Variants in ROBO2 observed in about 807,000 individuals in gnomAD.
ROBO2 encodes roundabout homolog 2.
ROBO2 carries 53 observed loss-of-function variants against 160.8 expected under a neutral mutation model. The observed-to-expected ratio is 0.33, with a 90% CI of 0.26 to 0.41. The LOEUF (loss-of-function observed/expected upper bound fraction) is 0.41, where lower values mean the gene tolerates loss of function less well. ROBO2 is among the 10% of genes least tolerant of loss of function. ROBO2 has a pLI of 1.00. For missense variants in ROBO2, 1,577 were observed against 1,722.4 expected (o/e 0.92, Z 1.49); for synonymous variants, 664 against 611.7 (o/e 1.09, Z -1.26).
At chr3:77,502,057 T>C (rs1158785499) in intron 5 of ROBO2, among the ~76,000 whole-genome samples, 1 of 152,210 alleles carries the variant, frequency 6.6e-6, no homozygotes, top group African/African-American at 2.4e-5. Context: ...GAAAATGCTA[T>C]GATGTAAACA....
chr3:76,331,314 C>T (rs550504099), intron 2 of ROBO2, among the ~76,000 whole-genome samples: 2 of 152,054 alleles, frequency 1.3e-5, no homozygotes, highest in Non-Finnish European at 2.9e-5. Flanking sequence ...TCATAAATAT[C>T]ACATGAGGCA....
chr3:77,479,710 G>A (rs1056293272), intron 3 of ROBO2, among the ~76,000 whole-genome samples: 56 of 152,068 alleles, frequency 3.7e-4, no homozygotes, highest in African/African-American at 1.3e-3. Flanking sequence ...TTATGGATTG[G>A]TAGTTTATGT....
At chr3:77,645,974 G>T (rs2095409415) in intron 25 of ROBO2, 80 bp from the exon 28 acceptor site, 1 of 964,186 alleles carries the variant, frequency 1.0e-6, no homozygotes, top group Non-Finnish European at 1.6e-6. Context: ...ATTATCTGTT[G>T]GCTTTGCTTT....
chr3:76,395,295 C>A (rs1275607809), intron 2 of ROBO2, among the ~76,000 whole-genome samples: 2 of 150,006 alleles, frequency 1.3e-5, no homozygotes, highest in African/African-American at 2.5e-5. Context: ...AAAGACACAA[C>A]ATACCAGAAT....
rs528304600 is a variant in ROBO2, at chr3:77,281,061, A to G, written c.388+182721A>G. 2.6e-5 allele frequency among the ~76,000 whole-genome samples: 4 copies of G among 152,322 alleles called. No individual in the cohort carries two copies. The East Asian group carries it at 7.7e-4, about 29-fold the overall frequency. On this transcript the variant is annotated intron_variant, in intron 2 of 25. Coordinates refer to ENST00000461745, the Ensembl canonical transcript of ROBO2. ...TGTCTCTGAGGACATCAAGTGGAAT[A>G]TAAAACTAGCTGTATTATCAGATAT...
chr3:76,374,299 C>T (rs756297535), intron 2 of ROBO2, among the ~76,000 whole-genome samples: 1 of 151,972 alleles, frequency 6.6e-6, no homozygotes, highest in Admixed American at 6.6e-5. Context: ...ACATTAGCAA[C>T]ATCGTTAATA....
chr3:77,109,689 C>G (rs1167898703), intron 2 of ROBO2, among the ~76,000 whole-genome samples: 9 of 152,204 alleles, frequency 5.9e-5, no homozygotes, highest in African/African-American at 2.2e-4. Context: ...GTTCTCAAAA[C>G]AAATCTAAAA....
intron 2 of ROBO2, among the ~76,000 whole-genome samples, chr3:76,285,275 T>A (rs1708452663): frequency 6.6e-6 from 1 of 152,162 alleles, no homozygotes; most frequent in Admixed American, 6.6e-5. Flanking sequence ...TTATTCAGTT[T>A]CTTCATAAAA....
chr3:77,200,128 A>G (rs2082693770), intron 2 of ROBO2, among the ~76,000 whole-genome samples: 1 of 150,624 alleles, frequency 6.6e-6, no homozygotes, highest in Non-Finnish European at 1.5e-5. Context: ...AAAGCTATCT[A>G]CTATTTGAAA....
chr3:76,294,223 G>A (rs905582003), intron 2 of ROBO2, among the ~76,000 whole-genome samples: 1 of 152,150 alleles, frequency 6.6e-6, no homozygotes, highest in East Asian at 1.9e-4. Flanking sequence ...GCCTCCCAGA[G>A]TGCAGAGATG....
chr3:75,937,964 G>A (rs1173073825), intron 2 of ROBO2, among the ~76,000 whole-genome samples: 2 of 149,910 alleles, frequency 1.3e-5, no homozygotes, highest in African/African-American at 2.5e-5. Flanking sequence ...ATAAGAACAC[G>A]TAGCATATAA....
At chr3:76,800,179 TGAACCAA>T (rs1303305003) in intron 2 of ROBO2, among the ~76,000 whole-genome samples, 1 of 152,174 alleles carries the variant, frequency 6.6e-6, no homozygotes, top group Non-Finnish European at 1.5e-5. Context: ...TGCAGAAGAA[TGAACCAA>T]GATGTCCATC....
chr3:77,412,969 C>G (rs1048824605), intron 2 of ROBO2, among the ~76,000 whole-genome samples: 1 of 152,098 alleles, frequency 6.6e-6, no homozygotes, highest in South Asian at 2.1e-4. Flanking sequence ...GTAATCCCAG[C>G]GCTTTGGGAG....
At chr3:76,825,905 C>G (rs1253906251) in intron 2 of ROBO2, among the ~76,000 whole-genome samples, 2 of 151,926 alleles carry the variant, frequency 1.3e-5, no homozygotes, top group Admixed American at 6.6e-5. Flanking sequence ...CTTGTGCATA[C>G]TGTTCTTTTG....
intron 2 of ROBO2, among the ~76,000 whole-genome samples, chr3:76,890,084 G>A (rs2074225382): frequency 6.6e-6 from 1 of 152,132 alleles, no homozygotes; most frequent in Non-Finnish European, 1.5e-5. Context: ...TCAGGATTCT[G>A]AGCCAGACAC....
At chr3:77,153,022 T>A (rs2077674385) in intron 2 of ROBO2, among the ~76,000 whole-genome samples, 1 of 152,190 alleles carries the variant, frequency 6.6e-6, no homozygotes, top group Admixed American at 6.5e-5. Flanking sequence ...TTATTTAAGG[T>A]GTGGTCTTTC....
chr3:76,751,419 A>G (rs1318877910), intron 2 of ROBO2, among the ~76,000 whole-genome samples: 1 of 152,156 alleles, frequency 6.6e-6, no homozygotes, highest in African/African-American at 2.4e-5. Context: ...TAAAACACCA[A>G]AAGTAACAAC....
At chr3:76,606,187 T>G (rs1369775215) in intron 2 of ROBO2, among the ~76,000 whole-genome samples, 3 of 152,164 alleles carry the variant, frequency 2.0e-5, no homozygotes, top group African/African-American at 4.8e-5. Context: ...TAGCACGAAC[T>G]GCTTCTTTGC....
intron 8 of ROBO2, among the ~76,000 whole-genome samples, chr3:77,551,575 G>A (rs1008999072): frequency 1.3e-5 from 2 of 151,982 alleles, no homozygotes; most frequent in South Asian, 2.1e-4. Context: ...AGGGCTCTGC[G>A]TAATCTGGTT....
Sources: gnomAD v4.1 joint callset for allele counts (sites outside exome capture counted in the v4.1 genomes callset) on GRCh38, gnomAD v4.1.1 for gene constraint, MANE v1.5 for transcripts, NCBI Gene and HGNC (gene_info 2026-07-23, HGNC 2026-07-21) for gene names.